CATSPERG: variants seen among roughly 807,000 people sequenced by gnomAD.
The protein encoded by CATSPERG is catsper channel auxiliary subunit gamma.
Under a neutral mutation model 145.0 loss-of-function variants are expected in CATSPERG, and 115 were observed. The ratio of observed to expected loss-of-function variants is 0.79; its 90% CI spans 0.68 to 0.93. CATSPERG has a LOEUF of 0.93. Ranked by LOEUF, CATSPERG falls within the 40% of genes least tolerant of loss-of-function variation. The pLI is 0.00. For synonymous variants in CATSPERG, 588 were observed against 589.0 expected (o/e 1.00, Z 0.02); for missense variants, 1,296 against 1,490.1 (o/e 0.87, Z 2.14).
chr19:38,348,205 C>T (rs1970072924), intron 7 of CATSPERG, among the ~76,000 whole-genome samples: 1 of 152,090 alleles, frequency 6.6e-6, no homozygotes, highest in Non-Finnish European at 1.5e-5. Flanking sequence ...GTTGCCGAGG[C>T]TGGAGTGCAC....
At chr19:38,336,149 AG>A (rs1568369074) in intron 1 of CATSPERG, 1 of 455,008 alleles carries the variant, frequency 2.2e-6, no homozygotes, top group South Asian at 1.6e-5. Context: ...TGGCATGGGA[AG>A]GAAGAGTAAG....
intron 22 of CATSPERG, chr19:38,366,815 C>A (rs112152593): frequency 4.5e-6 from 1 of 222,614 alleles, no homozygotes; most frequent in Non-Finnish European, 8.8e-6. Context: ...CTCTGCCTCC[C>A]GAGTAGCTGG....
rs1970468438 is a variant in CATSPERG at position 38,367,318 on chromosome 19, T to C, written c.2770+6T>C. The C allele has an allele frequency of 1.2e-6, 2 of 1,609,550 alleles. No individual in the cohort carries two copies. The highest frequency in any genetic ancestry group is 1.7e-6 in the Non-Finnish European group (2 of 1,179,008). On this transcript the variant is annotated splice_donor_region_variant and intron_variant, in intron 23 of 28. Transcript: ENST00000409235. ...CTGCTTTCTCTTCCGGGACAGTGTG[T>C]GTCCAGTCCCTTCCCCTGCACAGTT... is the stretch of plus-strand genomic sequence containing the variant.
At chr19:38,357,728 G>A in intron 11 of CATSPERG, among the ~76,000 whole-genome samples, 1 of 152,176 alleles carries the variant, frequency 6.6e-6, no homozygotes, top group East Asian at 1.9e-4. Context: ...GAGGCGGGGG[G>A]ATCACCTAAG....
At chr19:38,348,419 C>T (rs1221014083) in intron 7 of CATSPERG, among the ~76,000 whole-genome samples, 2 of 151,394 alleles carry the variant, frequency 1.3e-5, no homozygotes, top group Non-Finnish European at 2.9e-5. Flanking sequence ...TCTAGGCCTC[C>T]TAAAGTGCTG....
rs768563593 is a variant in CATSPERG at position 38,354,845 on chromosome 19, G to C, written c.1133G>C (p.Arg378Thr). Residue 378 changes from arginine (R) to threonine (T), a missense_variant and splice_region_variant, in exon 9 of 29, where the codon AGA (arginine) becomes ACA (threonine). Transcript: ENST00000409235. ...HEGYVHFGTI[R>T]DGQVSFEMLP... ...GGTTATGTACACTTCGGGACCATCA[G>C]AGGTAAGGGTGTGGGCCTCTGTCAG... The C allele has an allele frequency of 4.3e-6, 7 of 1,613,924 alleles. No homozygotes were observed. Among genetic ancestry groups the C allele is most frequent in the Non-Finnish European group, 4.2e-6 (5 of 1,179,914 alleles).
intron 24 of CATSPERG, 32 bp from the exon 25 acceptor site, chr19:38,367,649 G>C: frequency 6.2e-7 from 1 of 1,612,988 alleles, no homozygotes; most frequent in Non-Finnish European, 8.5e-7. Context: ...GAGACCCGGA[G>C]GCCAGTCTGT....
At position 38,346,439 on chromosome 19, in the gene CATSPERG, CT is replaced by C. The variant is rs1970043465; in HGVS notation, c.670-10del. 7 of 1,530,944 alleles carry C rather than the reference CT, an allele frequency of 4.6e-6. No individual in the cohort carries two copies. Among genetic ancestry groups the C allele is most frequent in the Non-Finnish European group, 6.2e-6 (7 of 1,131,284 alleles). 94.8% of individuals were successfully genotyped at this position (1,530,944 alleles called of 1,614,324 possible). On this transcript the variant is annotated splice_polypyrimidine_tract_variant and intron_variant, in intron 6 of 28. Transcript: ENST00000409235. ...GAGAGTGTTGGCGTCCCTCCTGTCC[CT>C]CCTTGGCAGCTCTTCAACCTGATGC...
At chr19:38,336,397 G>T in intron 1 of CATSPERG, 2 of 349,360 alleles carry the variant, frequency 5.7e-6, no homozygotes, top group Non-Finnish European at 1.2e-5. Context: ...CAATCGCCGA[G>T]AACCCGGGGA....
Position 38,362,218 on chromosome 19 carries a change from G to T in CATSPERG, c.2103G>T (p.Ala701=). The change falls in exon 18 of 29, where the codon GCG becomes GCT. Residue 701 remains alanine (A), a synonymous_variant. Transcript: ENST00000409235. ...CCGGGCGATCCCTGCAGCCGTACGC[G>T]GACCCGGTGCACGACCCCACCTGGC... ...WLHSVYDKPY[A]DPVHDPTWRW... is the part of the protein sequence containing the mutation. 2 of 1,600,812 alleles carry T rather than the reference G, an allele frequency of 1.2e-6. No homozygotes were observed. The highest frequency in any genetic ancestry group is 1.7e-5 in the Admixed American group (1 of 57,790).
rs952658512 is a variant in CATSPERG, at chr19:38,368,052, A to T, written c.2935A>T (p.Asn979Tyr). The T allele has an allele frequency of 4.3e-6, 7 of 1,613,962 alleles. No homozygotes were observed. In the African/African-American group the frequency reaches 9.3e-5, roughly 22 times the overall value. ...AGATGACCTGGGCCTGCACAGGACC[A>T]ACAGCCTTATCTGGACCACGAGGAC... ...YRFNSPLDKT[N>Y]SLIWTTRTTR... Residue 979 changes from asparagine (N) to tyrosine (Y), a missense_variant, in exon 26 of 29, where the codon AAC becomes TAC. Coordinates refer to ENST00000409235, the MANE Select transcript of CATSPERG (RefSeq NM_021185.5).
chr19:38,345,804 G>A (rs530481791), intron 6 of CATSPERG, among the ~76,000 whole-genome samples: 10 of 152,008 alleles, frequency 6.6e-5, no homozygotes, highest in South Asian at 4.1e-4. Context: ...GAGCCACCAC[G>A]CCTGGCCTCA....
intron 25 of CATSPERG, 78 bp from the exon 26 acceptor site, chr19:38,367,970 C>G: frequency 7.3e-7 from 1 of 1,379,222 alleles, no homozygotes; most frequent in South Asian, 1.2e-5. Flanking sequence ...TGTGGCCTCC[C>G]TCCACACTGA....
At chr19:38,366,953 C>T (rs1175447330) in intron 22 of CATSPERG, 2 of 567,562 alleles carry the variant, frequency 3.5e-6, no homozygotes, top group South Asian at 2.4e-5. Context: ...CTCGGCCTCC[C>T]GAAGTTCTGG....
chr19:38,362,316 A>G (rs750868599), intron 18 of CATSPERG, 44 bp downstream of exon 18: 2 of 1,612,714 alleles, frequency 1.2e-6, no homozygotes, highest in Non-Finnish European at 1.7e-6. Flanking sequence ...CGGCGCCCGG[A>G]CACCCCTCAC....
At chr19:38,360,975 G>A in intron 16 of CATSPERG, 132 bp downstream of exon 16, 1 of 751,948 alleles carries the variant, frequency 1.3e-6, no homozygotes. Context: ...CAGGAGTTCA[G>A]CACTTATGGA....
At chr19:38,352,110 G>T in intron 7 of CATSPERG, 151 bp from the exon 8 acceptor site, 1 of 722,756 alleles carries the variant, frequency 1.4e-6, no homozygotes, top group Non-Finnish European at 2.3e-6. Context: ...GGCTACCAAG[G>T]TGCTGCTGCG....
At chr19:38,354,929 C>T (rs1179859344) in intron 9 of CATSPERG, 82 bp downstream of exon 9, 1 of 1,505,524 alleles carries the variant, frequency 6.6e-7, no homozygotes. Context: ...TGGGCCCTCA[C>T]TCATTACCAT....
At chr19:38,367,836 T>A in intron 25 of CATSPERG, 60 bp downstream of exon 25, 1 of 1,509,138 alleles carries the variant, frequency 6.6e-7, no homozygotes, top group South Asian at 1.1e-5. Context: ...CCTTTCCCAC[T>A]TCCAAGCCAA....
Sources: gnomAD v4.1 joint callset for allele counts (sites outside exome capture counted in the v4.1 genomes callset) on GRCh38, gnomAD v4.1.1 for gene constraint, MANE v1.5 for transcripts, NCBI Gene and HGNC (gene_info 2026-07-23, HGNC 2026-07-21) for gene names.